INSYN2A: variants seen among roughly 807,000 people sequenced by gnomAD.
INSYN2A encodes the protein inhibitory synaptic factor 2A, also known as family with sequence similarity 196 member A.
A neutral mutation model predicts 39.4 loss-of-function variants in INSYN2A; 17 were observed. The observed-to-expected ratio is 0.43, with a 90% confidence interval of 0.30 to 0.65. INSYN2A has a LOEUF of 0.65. Among genes scored for constraint, INSYN2A ranks in the 30% least tolerant of loss-of-function variants. The probability of loss-of-function intolerance (pLI) is 0.14; values close to 1 mark genes in which losing one functional copy is unlikely to be tolerated. For missense variants in INSYN2A, 595 were observed against 631.2 expected (o/e 0.94, Z 0.61); for synonymous variants, 255 against 265.7 (o/e 0.96, Z 0.39).
chr10:127,151,147 C>T (rs2052445925), intron 5 of INSYN2A, among the ~76,000 whole-genome samples: 1 of 152,096 alleles, frequency 6.6e-6, no homozygotes, highest in African/African-American at 2.4e-5. Flanking sequence ...ACATAATAAC[C>T]ACCTTAAGAG....
At chr10:127,164,642 A>G (rs961328209) in intron 4 of INSYN2A, among the ~76,000 whole-genome samples, 2 of 152,264 alleles carry the variant, frequency 1.3e-5, no homozygotes, top group East Asian at 3.8e-4. Context: ...GGACAGGGAC[A>G]AATACAGAGA....
intron 4 of INSYN2A, among the ~76,000 whole-genome samples, chr10:127,167,681 A>T (rs571034475): frequency 2.6e-5 from 4 of 152,096 alleles, no homozygotes; most frequent in Non-Finnish European, 5.9e-5. Flanking sequence ...GCCAGGGTGA[A>T]CTAAAACAAA....
At chr10:127,148,924 A>T (rs779864609) in intron 5 of INSYN2A, among the ~76,000 whole-genome samples, 26 of 152,172 alleles carry the variant, frequency 1.7e-4, no homozygotes, top group Non-Finnish European at 3.1e-4. Context: ...TTAGAAAAAG[A>T]TGTAGCTGTG....
chr10:127,186,490 A>C (rs1209302294), intron 2 of INSYN2A, among the ~76,000 whole-genome samples: 2 of 127,756 alleles, frequency 1.6e-5, no homozygotes, highest in African/African-American at 2.9e-5. Context: ...AATCATGATA[A>C]CAGCATGGGA....
chr10:127,160,236 T>A (rs575168124), intron 4 of INSYN2A, among the ~76,000 whole-genome samples: 1 of 152,326 alleles, frequency 6.6e-6, no homozygotes, highest in East Asian at 1.9e-4. Context: ...TGGAAACTAA[T>A]TTTACAGTAC....
chr10:127,186,504 ACCG>A (rs1368332714), intron 2 of INSYN2A, among the ~76,000 whole-genome samples: 2 of 9,000 alleles, frequency 2.2e-4, no homozygotes, highest in Admixed American at 1.6e-3. Flanking sequence ...CATGGGAGAA[ACCG>A]CCCCCCCGCC....
chr10:127,179,911 G>A (rs894964926), intron 2 of INSYN2A, among the ~76,000 whole-genome samples: 5 of 152,120 alleles, frequency 3.3e-5, no homozygotes, highest in African/African-American at 1.2e-4. Context: ...TTCTAGATTT[G>A]ATCCTCATCA....
At chr10:127,190,297 C>A (rs2056625384) in intron 2 of INSYN2A, among the ~76,000 whole-genome samples, 1 of 152,184 alleles carries the variant, frequency 6.6e-6, no homozygotes, top group African/African-American at 2.4e-5. Flanking sequence ...TACTGTTCAG[C>A]CCTGGAAGCC....
At chr10:127,195,831 C>A (rs1589888512) in intron 1 of INSYN2A, among the ~76,000 whole-genome samples, 166 bp downstream of exon 1, 1 of 152,174 alleles carries the variant, frequency 6.6e-6, no homozygotes, top group South Asian at 2.1e-4. Context: ...CCCGGCTGCA[C>A]CGGGGTGTCC....
chr10:127,183,371 T>G (rs2055922408), intron 2 of INSYN2A, among the ~76,000 whole-genome samples: 1 of 152,204 alleles, frequency 6.6e-6, no homozygotes, highest in South Asian at 2.1e-4. Flanking sequence ...TGGATCCCTC[T>G]TGTATTTTCA....
At chr10:127,174,901 A>G (rs1314180845) in intron 4 of INSYN2A, among the ~76,000 whole-genome samples, 1 of 152,148 alleles carries the variant, frequency 6.6e-6, no homozygotes, top group Non-Finnish European at 1.5e-5. Flanking sequence ...GTTATACATT[A>G]TCAATATCAT....
intron 2 of INSYN2A, among the ~76,000 whole-genome samples, chr10:127,187,740 A>AAGAAAGAG (rs149634916): frequency 2.0e-5 from 3 of 150,716 alleles, no homozygotes; most frequent in African/African-American, 4.9e-5. Context: ...GAAAGAAAGA[A>AAGAAAGAG]AGAAAGAGAG....
chr10:127,154,387 A>G (rs530576077), intron 4 of INSYN2A, among the ~76,000 whole-genome samples: 2 of 152,366 alleles, frequency 1.3e-5, no homozygotes, highest in Admixed American at 6.5e-5. Flanking sequence ...CAAACTAAGA[A>G]TGGATTTTAC....
chr10:127,138,254 T>C (rs553314890), intron 5 of INSYN2A, among the ~76,000 whole-genome samples: 48 of 152,352 alleles, frequency 3.2e-4, no homozygotes, highest in Middle Eastern at 6.8e-3. Context: ...TCTTTAATAT[T>C]GTGTTAATGT....
In INSYN2A at chr10:127,175,797, T is replaced by C. The variant is rs1381381407; in HGVS notation, c.599A>G (p.Glu200Gly). 27 of 1,614,088 alleles carry C rather than the reference T, an allele frequency of 1.7e-5. No homozygotes were observed. Among genetic ancestry groups the C allele is most frequent in the East Asian group, 2.2e-5 (1 of 44,850 alleles). ...VNCTEPCKSP[E>G]PLSYGEAALQ... Reference sequence around the variant, plus strand: ...CGCAGCTTCTCCATAGCTGAGCGGCTCCGGGCTTTTACAGGGCTCTGTGCA... The same window carrying C: ...CGCAGCTTCTCCATAGCTGAGCGGCCCCGGGCTTTTACAGGGCTCTGTGCA... Residue 200 changes from glutamate (E) to glycine (G), a missense_variant, in exon 4 of 6, where the codon GAG (glutamate) becomes GGG (glycine). Physicochemically the swap from Glu to Gly is moderately conservative, Grantham distance 98. Around this residue, in one of 2 missense-constraint regions of INSYN2A, gnomAD observed 478 missense variants for 467.4 expected, o/e 1.02. Transcript: ENST00000522781. This position sits in a 1 kb window ranked among gnomAD's most constrained non-coding sequence, Gnocchi z 6.3.
At chr10:127,178,778 G>C (rs2055433504) in intron 2 of INSYN2A, among the ~76,000 whole-genome samples, 1 of 152,172 alleles carries the variant, frequency 6.6e-6, no homozygotes, top group South Asian at 2.1e-4. Flanking sequence ...GTTTGGGATG[G>C]CTAGATGATA....
chr10:127,190,670 C>CT, intron 2 of INSYN2A, among the ~76,000 whole-genome samples: 1 of 23,734 alleles, frequency 4.2e-5, no homozygotes, highest in African/African-American at 1.4e-4. Context: ...TATCTTCCCC[C>CT]CCCCCCCCCC....
At position 127,169,889 on chromosome 10, in the gene INSYN2A, C is replaced by G. The variant is rs117608872; in HGVS notation, c.1184+5323G>C. 2.7e-4 allele frequency among the ~76,000 whole-genome samples: 41 copies of G among 152,230 alleles called. 1 individual carries two copies. The East Asian group carries it at 7.6e-3, about 28-fold the overall frequency. ...AACCTTGGTACAGGATACCACACTTCGTCTGTATTAACTCGTTCCATCCCT... is the reference window on the plus strand; with the variant it reads ...AACCTTGGTACAGGATACCACACTTGGTCTGTATTAACTCGTTCCATCCCT... On this transcript the variant is annotated intron_variant, in intron 4 of 5. Transcript: ENST00000522781.
intron 5 of INSYN2A, among the ~76,000 whole-genome samples, chr10:127,144,091 A>G (rs1337402877): frequency 1.3e-5 from 2 of 151,906 alleles, no homozygotes; most frequent in East Asian, 3.9e-4. Context: ...CCCACCTTCC[A>G]CTGCTCTAGT....
Sources: gnomAD v4.1 joint callset for allele counts (sites outside exome capture counted in the v4.1 genomes callset) on GRCh38, gnomAD v4.1.1 for gene constraint, gnomAD v4.1.1 regional missense constraint, Gnocchi (gnomAD v3.1) non-coding constraint, MANE v1.5 for transcripts, NCBI Gene and HGNC (gene_info 2026-07-23, HGNC 2026-07-21) for gene names.